Variants in CRISPLD1 observed in about 807,000 individuals in gnomAD.
CRISPLD1 encodes the protein cysteine-rich secretory protein LCCL domain-containing 1.
Under a neutral mutation model 77.5 loss-of-function variants are expected in CRISPLD1, and 60 were observed. The ratio of observed to expected loss-of-function variants is 0.77; its 90% CI spans 0.63 to 0.96. CRISPLD1 has a LOEUF of 0.96. CRISPLD1 is among the 40% of genes least tolerant of loss of function. The pLI, the probability that CRISPLD1 is intolerant of heterozygous loss-of-function variation, is 0.00. For missense variants in CRISPLD1, 623 were observed against 615.8 expected (o/e 1.01, Z -0.12); for synonymous variants, 195 against 200.1 (o/e 0.97, Z 0.22).
intron 2 of CRISPLD1, among the ~76,000 whole-genome samples, chr8:75,001,779 C>T (rs1812746464): frequency 6.6e-6 from 1 of 152,116 alleles, no homozygotes; most frequent in Non-Finnish European, 1.5e-5. Flanking sequence ...TGGAAACAAC[C>T]TTGTTCTGTC....
chr8:75,022,566 C>T (rs1168446779), intron 12 of CRISPLD1, among the ~76,000 whole-genome samples: 17 of 134,436 alleles, frequency 1.3e-4, no homozygotes, highest in Admixed American at 9.2e-4. Context: ...CCAGCCTGGG[C>T]GAAAGAGCGA....
intron 3 of CRISPLD1, 152 bp downstream of exon 3, chr8:75,012,703 A>G: frequency 1.2e-6 from 1 of 818,436 alleles, no homozygotes; most frequent in South Asian, 1.8e-5. Context: ...CACCAGAACA[A>G]TCAGCAGTTT....
At chr8:75,017,681 TC>T (rs1813059353) in intron 10 of CRISPLD1, among the ~76,000 whole-genome samples, 1 of 152,168 alleles carries the variant, frequency 6.6e-6, no homozygotes, top group Non-Finnish European at 1.5e-5. Context: ...TTTTTGAGTT[TC>T]ATTAAAAATG....
rs1246065408 is a variant in CRISPLD1 at position 74,986,028 on chromosome 8, T to G, written c.41T>G (p.Val14Gly). The change falls in exon 2 of 15, where the codon GTG becomes GGG. Residue 14 changes from valine (V) to glycine (G), a missense_variant. Val to Gly is a moderately radical substitution (Grantham distance 109). Transcript: ENST00000262207. The stretch of plus-strand genomic sequence containing the variant: ...CGGGAGTGGCTCAGAGTAACCACAG[T>G]GCTGTTCATGGCTAGAGCAATTCCA... Reference protein sequence around the residue: ...TAREWLRVTTVLFMARAIPAM... With the variant: ...TAREWLRVTTGLFMARAIPAM... 1 of 1,614,152 alleles carries G rather than the reference T, an allele frequency of 6.2e-7. No individual in the cohort carries two copies. The highest frequency in any genetic ancestry group is 2.2e-5 in the East Asian group (1 of 44,878).
chr8:74,995,279 C>T (rs759595841), intron 2 of CRISPLD1, among the ~76,000 whole-genome samples: 2 of 152,174 alleles, frequency 1.3e-5, no homozygotes, highest in Non-Finnish European at 2.9e-5. Context: ...TCAGCTCTGT[C>T]AAAGGCTGCT....
intron 2 of CRISPLD1, among the ~76,000 whole-genome samples, chr8:74,996,782 A>C (rs1225880807): frequency 7.3e-6 from 1 of 137,542 alleles, no homozygotes; most frequent in East Asian, 2.1e-4. Flanking sequence ...GCAGTGGCGC[A>C]ATGATGGCTC....
intron 2 of CRISPLD1, among the ~76,000 whole-genome samples, chr8:75,007,737 A>C (rs1207588930): frequency 7.1e-6 from 1 of 140,682 alleles, no homozygotes; most frequent in Admixed American, 7.5e-5. Context: ...CAGTAGTATG[A>C]TCATAGCTCT....
chr8:74,993,403 T>C (rs903922754), intron 2 of CRISPLD1, among the ~76,000 whole-genome samples: 1 of 152,216 alleles, frequency 6.6e-6, no homozygotes, highest in African/African-American at 2.4e-5. Context: ...TACTTAAAAT[T>C]ACTAAAGTTC....
chr8:75,031,416 C>A (rs1813343539), intron 14 of CRISPLD1, among the ~76,000 whole-genome samples: 1 of 151,918 alleles, frequency 6.6e-6, no homozygotes, highest in Admixed American at 6.6e-5. Flanking sequence ...ATGGTACTAC[C>A]AATCTGTTTT....
At chr8:74,986,624 T>C (rs1391420106) in intron 2 of CRISPLD1, among the ~76,000 whole-genome samples, 28 of 152,230 alleles carry the variant, frequency 1.8e-4, no homozygotes, top group Admixed American at 1.8e-3. Context: ...TTCAGACTAA[T>C]AATCGGAAGA....
Position 74,990,787 on chromosome 8 carries a change from AC to A in CRISPLD1, c.258+4544del, listed in dbSNP as rs201026742. On this transcript the variant is annotated intron_variant, in intron 2 of 14. Transcript: ENST00000262207. ...AAGAAACATACAAAAAAAAAAAAAA[AC>A]CAGAAAATTGGGCACATCGTTAACT... Among the ~76,000 whole-genome samples, 1,144 of 150,268 alleles carry A rather than the reference AC, an allele frequency of 7.6e-3. 6 individuals carry two copies. The highest frequency in any genetic ancestry group is 0.041 in the East Asian group (209 of 5,150).
intron 7 of CRISPLD1, 51 bp downstream of exon 7, chr8:75,016,756 A>G (rs1284614786): frequency 6.4e-7 from 1 of 1,564,428 alleles, no homozygotes; most frequent in Non-Finnish European, 8.6e-7. Context: ...TAAATGGTAT[A>G]TCCATCAAGA....
In CRISPLD1 at chr8:74,986,085, A is replaced by T. The variant is rs777138461; in HGVS notation, c.98A>T (p.Glu33Val). The change falls in exon 2 of 15, where the codon GAG becomes GTG. Residue 33 changes from glutamate to valine, a missense_variant. Coordinates refer to ENST00000262207, the MANE Select transcript of CRISPLD1 (RefSeq NM_031461.6). Reference protein sequence around the residue: ...AMVVPNATLLEKLLEKYMDED... With the variant: ...AMVVPNATLLVKLLEKYMDED... ...GTGGTTCCCAATGCCACTTTATTGG[A>T]GAAACTTTTGGAAAAATACATGGAT... 2.5e-6 allele frequency: 4 copies of T among 1,614,084 alleles called. No individual in the cohort carries two copies. The East Asian group carries it at 8.9e-5, about 36-fold the overall frequency.
chr8:75,020,192 G>A (rs1363873332), intron 12 of CRISPLD1, 113 bp downstream of exon 12: 1 of 829,588 alleles, frequency 1.2e-6, no homozygotes, highest in African/African-American at 1.7e-5. Context: ...AAGCAGGAGG[G>A]AGCAATGAAA....
rs188046333 is a variant in CRISPLD1, at chr8:74,991,251, C to T, written c.258+5006C>T. On this transcript the variant is annotated intron_variant, in intron 2 of 14. Transcript: ENST00000262207. The stretch of plus-strand genomic sequence containing the variant: ...TCTGAAGTGATCTGCCCACCTTGGC[C>T]TCCTACAGTGCTGGCATTACAGATG... Among the ~76,000 whole-genome samples, 26 of 152,284 alleles carry T rather than the reference C, an allele frequency of 1.7e-4. 1 individual carries two copies. The highest frequency in any genetic ancestry group is 1.4e-3 in the Admixed American group (22 of 15,298).
chr8:75,031,836 AT>A (rs1033444714), intron 14 of CRISPLD1, among the ~76,000 whole-genome samples: 19 of 152,086 alleles, frequency 1.2e-4, no homozygotes, highest in African/African-American at 4.6e-4. Context: ...GAGTCTCAGT[AT>A]TCCCCATTAA....
At chr8:75,018,359 T>G (rs1245559461) in intron 10 of CRISPLD1, among the ~76,000 whole-genome samples, 1 of 152,068 alleles carries the variant, frequency 6.6e-6, no homozygotes, top group Non-Finnish European at 1.5e-5. Flanking sequence ...TGGTGTGATC[T>G]CAGGTCACTG....
At chr8:75,009,706 T>C (rs1350752413) in intron 2 of CRISPLD1, among the ~76,000 whole-genome samples, 1 of 152,112 alleles carries the variant, frequency 6.6e-6, no homozygotes, top group East Asian at 1.9e-4. Flanking sequence ...CCTATGTCTT[T>C]AGGGACTCCA....
intron 12 of CRISPLD1, among the ~76,000 whole-genome samples, chr8:75,023,638 G>A (rs72670916): frequency 3.3e-5 from 5 of 152,256 alleles, no homozygotes; most frequent in Non-Finnish European, 7.4e-5. Flanking sequence ...GGCAAGGGTA[G>A]TTTCAACTGA....
Sources: gnomAD v4.1 joint callset for allele counts (sites outside exome capture counted in the v4.1 genomes callset) on GRCh38, gnomAD v4.1.1 for gene constraint, MANE v1.5 for transcripts, NCBI Gene and HGNC (gene_info 2026-07-23, HGNC 2026-07-21) for gene names.